HSF2BP: variants seen among roughly 807,000 people sequenced by gnomAD.
HSF2BP encodes heat shock factor 2-binding protein.
In HSF2BP, 35 loss-of-function variants were observed where a neutral mutation model predicts 35.0. The ratio of observed to expected loss-of-function variants is 1.00; its 90% confidence interval spans 0.76 to 1.32. The LOEUF (loss-of-function observed/expected upper bound fraction) is 1.32, where lower values mean the gene tolerates loss of function less well. Ranked by LOEUF, HSF2BP falls within the 40% of genes most tolerant of loss-of-function variation. The pLI, the probability that HSF2BP is intolerant of heterozygous loss-of-function variation, is 0.00. For synonymous variants in HSF2BP, 114 were observed against 117.4 expected (o/e 0.97, Z 0.18); for missense variants, 326 against 321.7 (o/e 1.01, Z -0.10).
intron 1 of HSF2BP, among the ~76,000 whole-genome samples, chr21:43,658,597 A>C (rs1375343922): frequency 6.6e-6 from 1 of 152,208 alleles, no homozygotes. Flanking sequence ...GGAGTGACCT[A>C]GTCCATTAAC....
intron 6 of HSF2BP, among the ~76,000 whole-genome samples, chr21:43,625,562 A>C (rs1413304798): frequency 6.6e-6 from 1 of 152,158 alleles, no homozygotes; most frequent in Non-Finnish European, 1.5e-5. Context: ...TTTAAAAAAA[A>C]AAACTAAAGA....
At chr21:43,644,603 A>C (rs2082684197) in intron 3 of HSF2BP, among the ~76,000 whole-genome samples, 1 of 152,218 alleles carries the variant, frequency 6.6e-6, no homozygotes, top group African/African-American at 2.4e-5. Flanking sequence ...CACAGCACAA[A>C]GGACTTTGGT....
chr21:43,657,383 T>C (rs1406504541), intron 2 of HSF2BP, among the ~76,000 whole-genome samples: 1 of 152,142 alleles, frequency 6.6e-6, no homozygotes, highest in Non-Finnish European at 1.5e-5. Context: ...AAGAGCTCTA[T>C]TCCTAAAAGT....
At chr21:43,616,172 G>A (rs1034909928) in intron 6 of HSF2BP, among the ~76,000 whole-genome samples, 1 of 152,084 alleles carries the variant, frequency 6.6e-6, no homozygotes, top group Non-Finnish European at 1.5e-5. Flanking sequence ...CCTACACTGC[G>A]ACTCACTTGT....
chr21:43,632,402 C>T (rs1236574445), intron 5 of HSF2BP, among the ~76,000 whole-genome samples: 1 of 143,542 alleles, frequency 7.0e-6, no homozygotes, highest in Non-Finnish European at 1.5e-5. Context: ...CACACACTCC[C>T]CCACACACAC....
At chr21:43,604,738 C>T (rs1375140437) in intron 7 of HSF2BP, among the ~76,000 whole-genome samples, 2 of 146,084 alleles carry the variant, frequency 1.4e-5, no homozygotes, top group East Asian at 2.1e-4. Context: ...ACACCACACA[C>T]ACACCACTCA....
At chr21:43,641,295 G>A (rs571922642) in intron 4 of HSF2BP, among the ~76,000 whole-genome samples, 10 of 152,140 alleles carry the variant, frequency 6.6e-5, no homozygotes, top group East Asian at 3.9e-4. Context: ...CACCGCGCCC[G>A]GCCAATATTC....
rs138136097 is a variant in HSF2BP, at chr21:43,657,302, G to A, written c.37-565C>T. Among the ~76,000 whole-genome samples, 231 of 152,344 alleles carry A rather than the reference G, an allele frequency of 1.5e-3. 2 individuals carry two copies. Among genetic ancestry groups the A allele is most frequent in the African/African-American group, 5.3e-3 (221 of 41,590 alleles). The stretch of plus-strand genomic sequence containing the variant: ...TTGAGCTCAGGAGTTGGAGGCTGCA[G>A]TGAGCTATGATCGTGCCACTGCACT... On this transcript the variant is annotated intron_variant, in intron 2 of 8. Transcript: ENST00000291560.
At chr21:43,655,012 G>A (rs990492556) in intron 3 of HSF2BP, among the ~76,000 whole-genome samples, 2 of 152,232 alleles carry the variant, frequency 1.3e-5, no homozygotes, top group African/African-American at 4.8e-5. Flanking sequence ...CCCAAAGGCA[G>A]ACTGTGATCA....
chr21:43,639,874 C>T (rs1258966190), intron 4 of HSF2BP, among the ~76,000 whole-genome samples: 1 of 151,980 alleles, frequency 6.6e-6, no homozygotes, highest in Non-Finnish European at 1.5e-5. Flanking sequence ...AAAAAAAAAC[C>T]GTAAGAACTA....
At chr21:43,655,918 C>A (rs919171351) in intron 3 of HSF2BP, among the ~76,000 whole-genome samples, 7 of 152,242 alleles carry the variant, frequency 4.6e-5, no homozygotes, top group Non-Finnish European at 7.4e-5. Context: ...TACCTGGGCC[C>A]CCTGGATGCA....
At chr21:43,622,248 G>C (rs1212746001) in intron 6 of HSF2BP, among the ~76,000 whole-genome samples, 1 of 151,850 alleles carries the variant, frequency 6.6e-6, no homozygotes, top group East Asian at 1.9e-4. Flanking sequence ...ATGACAGTAA[G>C]AAAGCAAGAA....
chr21:43,614,807 C>T (rs561516164), intron 6 of HSF2BP, among the ~76,000 whole-genome samples: 1 of 152,084 alleles, frequency 6.6e-6, no homozygotes, highest in African/African-American at 2.4e-5. Context: ...CTTCTGGTCC[C>T]GGGCATTTCA....
chr21:43,642,070 GA>G (rs2082643910), intron 4 of HSF2BP, among the ~76,000 whole-genome samples: 1 of 152,162 alleles, frequency 6.6e-6, no homozygotes. Flanking sequence ...CCCAAAGCAG[GA>G]GGATCACTTG....
In HSF2BP at chr21:43,633,332, C is replaced by T. The variant is rs114602699; in HGVS notation, c.381G>A (p.Ala127=). The T allele has an allele frequency of 8.7e-4, 1,408 of 1,614,128 alleles. 13 individuals are homozygous for T. In the African/African-American group the frequency reaches 0.016, roughly 18 times the overall value. The change falls in exon 5 of 9, where the codon GCG becomes GCA. Residue 127 remains alanine, a synonymous_variant. Coordinates refer to ENST00000291560, the MANE Select transcript of HSF2BP (RefSeq NM_007031.2). ...AEYCTEMGAA[A]CTLLWGVSSS... ...TGGAGACACCCCACAAGAGGGTACA[C>T]GCTGCTGCTCCCATTTCTGTACAAT...
chr21:43,646,167 G>T (rs964823348), intron 3 of HSF2BP, among the ~76,000 whole-genome samples: 1 of 149,142 alleles, frequency 6.7e-6, no homozygotes, highest in Non-Finnish European at 1.5e-5. Context: ...AAAAAAAAGT[G>T]GTTCTCAGAA....
At chr21:43,501,529 A>G in the HSF2BP span, among the ~76,000 whole-genome samples, 1 of 44,502 alleles carries the variant, frequency 2.2e-5, no homozygotes, top group African/African-American at 1.5e-4. Context: ...CAGCCTCCAG[A>G]GCAGCTGGGA....
the HSF2BP span, among the ~76,000 whole-genome samples, chr21:43,459,572 G>A: frequency 2.2e-5 from 2 of 92,504 alleles, 1 homozygote; most frequent in Non-Finnish European, 4.4e-5. Context: ...GCTGTGGAAG[G>A]TGAGATTGGG....
At chr21:43,582,135 T>A (rs2081753836) in intron 8 of HSF2BP, among the ~76,000 whole-genome samples, 1 of 98,200 alleles carries the variant, frequency 1.0e-5, no homozygotes, top group Non-Finnish European at 2.0e-5. Flanking sequence ...CTGTGGGGGA[T>A]GAGGGCCTGC....
Sources: gnomAD v4.1 joint callset for allele counts (sites outside exome capture counted in the v4.1 genomes callset) on GRCh38, gnomAD v4.1.1 for gene constraint, MANE v1.5 for transcripts, NCBI Gene and HGNC (gene_info 2026-07-23, HGNC 2026-07-21) for gene names.